DRAM2: variants seen among roughly 807,000 people sequenced by gnomAD.
The protein encoded by DRAM2 is DNA damage regulated autophagy modulator 2, also known as DNA damage-regulated autophagy modulator protein 2.
Under a neutral mutation model 33.5 loss-of-function variants are expected in DRAM2, and 26 were observed. That is an observed-to-expected ratio of 0.78 (90% CI 0.57 to 1.08). The LOEUF is 1.08. Ranked by LOEUF, DRAM2 falls within the 50% of genes least tolerant of loss-of-function variation. The probability of loss-of-function intolerance (pLI) is 0.00; values close to 1 mark genes in which losing one functional copy is unlikely to be tolerated. For synonymous variants in DRAM2, 98 were observed against 109.5 expected (o/e 0.89, Z 0.66); for missense variants, 311 against 318.1 (o/e 0.98, Z 0.17).
chr1:111,118,382 G>C, intron 9 of DRAM2, 115 bp from the exon 10 acceptor site: 1 of 679,148 alleles, frequency 1.5e-6, no homozygotes, highest in Non-Finnish European at 2.5e-6. Flanking sequence ...TCTAATGGTA[G>C]TGAGACAGCT....
intron 4 of DRAM2, among the ~76,000 whole-genome samples, chr1:111,129,371 T>C (rs1009629246): frequency 6.6e-6 from 1 of 152,194 alleles, no homozygotes; most frequent in Non-Finnish European, 1.5e-5. Flanking sequence ...GACCTAACTA[T>C]ATTCCAGGTG....
intron 6 of DRAM2, among the ~76,000 whole-genome samples, chr1:111,122,233 C>G (rs1237190004): frequency 1.3e-5 from 2 of 152,100 alleles, no homozygotes; most frequent in African/African-American, 4.8e-5. Context: ...GATGTATATA[C>G]GTTTCCAAAA....
chr1:111,120,537 A>T lies in DRAM2; in HGVS notation c.496T>A (p.Cys166Ser). 2 of 1,608,726 alleles carry T rather than the reference A, an allele frequency of 1.2e-6. No homozygotes were observed. The highest frequency in any genetic ancestry group is 8.5e-7 in the Non-Finnish European group (1 of 1,177,516). The part of the protein sequence containing the change: ...FWIRLLLVIW[C>S]GVSALSMLTC... ...ATACTGCTAAGTGCACTTACTCCAC[A>T]CCAGATAACCAACAACAGTCTGATC... The change falls in exon 7 of 10, where the codon TGT (cysteine) becomes AGT (serine). Residue 166 changes from cysteine to serine, a missense_variant. By Grantham distance (112) the Cys-to-Ser change is moderately radical. Coordinates refer to ENST00000484310, the MANE Select transcript of DRAM2 (RefSeq NM_001349884.2).
rs150398619 is a variant in DRAM2, at chr1:111,119,896, T to C, written c.581A>G (p.His194Arg). 7.5e-5 allele frequency: 121 copies of C among 1,612,856 alleles called. No individual in the cohort carries two copies. The highest frequency in any genetic ancestry group is 9.2e-5 in the Non-Finnish European group (108 of 1,179,084). ...NFGTDLEQKLHWNPEDKGYVL... is the reference protein window; with the variant it reads ...NFGTDLEQKLRWNPEDKGYVL... ...TCTTACTTTGTCCTCGGGGTTCCAA[T>C]GGAGTTTCTGTTCTAAATCAGTCCC... is the stretch of plus-strand genomic sequence containing the variant. The change falls in exon 8 of 10, where the codon CAT becomes CGT. Residue 194 changes from histidine (H) to arginine (R), a missense_variant. By Grantham distance (29) the His-to-Arg change is conservative. Transcript: ENST00000484310.
intron 3 of DRAM2, among the ~76,000 whole-genome samples, chr1:111,132,017 T>C (rs1652195548): frequency 6.6e-6 from 1 of 152,180 alleles, no homozygotes; most frequent in East Asian, 1.9e-4. Flanking sequence ...TCCAGGGTAA[T>C]AGGAGTGTCT....
intron 3 of DRAM2, among the ~76,000 whole-genome samples, chr1:111,136,347 C>T (rs952844297): frequency 1.7e-4 from 26 of 152,244 alleles, no homozygotes; most frequent in Non-Finnish European, 3.8e-4. Flanking sequence ...AGGCGGATCA[C>T]GAGGTCAGGA....
At chr1:111,119,818 G>A in intron 8 of DRAM2, 59 bp downstream of exon 8, 1 of 1,328,400 alleles carries the variant, frequency 7.5e-7, no homozygotes, top group Non-Finnish European at 1.1e-6. Context: ...AACATATCAA[G>A]ATCAATCAAA....
chr1:111,120,644 C>A lies in DRAM2; in HGVS notation c.389G>T (p.Gly130Val), dbSNP rs1649869527. The change falls in exon 7 of 10, where the codon GGT becomes GTT. Residue 130 changes from glycine (G) to valine (V), a missense_variant. Transcript: ENST00000484310. The stretch of plus-strand genomic sequence containing the variant: ...AACAAACATATATAATGAGCCCATA[C>A]CAAAGGTAAGCACAGCTCCACTTAC... Reference protein sequence around the residue: ...AHVSGAVLTFGMGSLYMFVQT... With the variant: ...AHVSGAVLTFVMGSLYMFVQT... The A allele has an allele frequency of 6.2e-7, 1 of 1,607,976 alleles. No homozygotes were observed. Among genetic ancestry groups the A allele is most frequent in the South Asian group, 1.1e-5 (1 of 90,286 alleles).
intron 4 of DRAM2, 131 bp downstream of exon 4, chr1:111,131,293 A>G: frequency 2.0e-6 from 2 of 1,005,938 alleles, no homozygotes; most frequent in Admixed American, 2.8e-5. Flanking sequence ...GTTCCTTTTT[A>G]TATTCCCTTT....
intron 6 of DRAM2, among the ~76,000 whole-genome samples, chr1:111,121,244 T>G (rs1008986634): frequency 6.6e-6 from 1 of 152,068 alleles, no homozygotes; most frequent in Non-Finnish European, 1.5e-5. Flanking sequence ...ACTCAAGAAA[T>G]TAAAATATTC....
At chr1:111,139,394 G>T (rs890731672) in intron 2 of DRAM2, 107 bp downstream of exon 2, 1 of 152,224 alleles carries the variant, frequency 6.6e-6, no homozygotes, top group Admixed American at 6.5e-5. Context: ...ATTGAGTGCA[G>T]AAGACTGAGC....
Position 111,120,861 on chromosome 1 carries a change from C to T in DRAM2, c.340-168G>A, listed in dbSNP as rs373851524. 2.1e-4 allele frequency among the ~76,000 whole-genome samples: 32 copies of T among 152,204 alleles called. No homozygotes were observed. The South Asian group carries it at 6.6e-3, about 32-fold the overall frequency. ...TCTGAAGTAATTTTCTCTCATAATA[C>T]TCAGTTTAAACCTAAGGATTATAGT... On this transcript the variant is annotated intron_variant, in intron 6 of 9. Transcript: ENST00000484310.
rs1248992041 is a variant in DRAM2, at chr1:111,118,884, T to TGAA, written c.611_613dup (p.Leu204dup). ...CCATTCTGCTGCAGTAGTGATCATGTGAAGCACATAACCCTGAGTGATGGG... is the reference window on the plus strand; with the variant it reads ...CCATTCTGCTGCAGTAGTGATCATGTGAAGAAGCACATAACCCTGAGTGATGGG... On this transcript the variant is annotated inframe_insertion, in exon 9 of 10. Transcript: ENST00000484310. 6.2e-7 allele frequency: 1 copy of TGAA among 1,608,708 alleles called. No individual in the cohort carries two copies. Among genetic ancestry groups the TGAA allele is most frequent in the Non-Finnish European group, 8.5e-7 (1 of 1,176,880 alleles).
rs769951112 is a variant in DRAM2, at chr1:111,120,645, C to A, written c.388G>T (p.Gly130Cys). 2 of 1,606,654 alleles carry A rather than the reference C, an allele frequency of 1.2e-6. No individual in the cohort carries two copies. The highest frequency in any genetic ancestry group is 1.1e-5 in the South Asian group (1 of 90,162). ...AHVSGAVLTF[G>C]MGSLYMFVQT... ...ACAAACATATATAATGAGCCCATAC[C>A]AAAGGTAAGCACAGCTCCACTTACA... The change falls in exon 7 of 10, where the codon GGT becomes TGT. Residue 130 changes from glycine (G) to cysteine (C), a missense_variant. Transcript: ENST00000484310.
intron 6 of DRAM2, among the ~76,000 whole-genome samples, chr1:111,123,171 T>A (rs2101032908): frequency 6.6e-6 from 1 of 152,320 alleles, no homozygotes; most frequent in Middle Eastern, 3.4e-3. Context: ...ACTCTATTTG[T>A]GGCACAGACA....
intron 3 of DRAM2, among the ~76,000 whole-genome samples, chr1:111,133,138 G>A (rs149130679): frequency 1.3e-5 from 2 of 150,250 alleles, no homozygotes; most frequent in East Asian, 2.0e-4. Flanking sequence ...GCTCCTTAAC[G>A]TGGTCCATAA....
At position 111,120,562 on chromosome 1, in the gene DRAM2, C is replaced by G. The variant is rs1328714961; in HGVS notation, c.471G>C (p.Trp157Cys). The G allele has an allele frequency of 5.0e-6, 8 of 1,611,950 alleles. No individual in the cohort carries two copies. Among genetic ancestry groups the G allele is most frequent in the South Asian group, 1.1e-5 (1 of 90,926 alleles). ...QPKIHGKQVF[W>C]IRLLLVIWCG... ...ACCAGATAACCAACAACAGTCTGATCCAGAAGACTTGTTTGCCATGGATTT... is the reference window on the plus strand; with the variant it reads ...ACCAGATAACCAACAACAGTCTGATGCAGAAGACTTGTTTGCCATGGATTT... The change falls in exon 7 of 10, where the codon TGG becomes TGC. Residue 157 changes from tryptophan (W) to cysteine (C), a missense_variant. Coordinates refer to ENST00000484310, the MANE Select transcript of DRAM2 (RefSeq NM_001349884.2).
chr1:111,119,859 T>A lies in DRAM2; in HGVS notation c.600+18A>T, dbSNP rs754025147. ...CATCTTTAATATAAAACTAAGTTTATAGACTGTAAGTTCTTACTTTGTCCT... is the reference window on the plus strand; with the variant it reads ...CATCTTTAATATAAAACTAAGTTTAAAGACTGTAAGTTCTTACTTTGTCCT... On this transcript the variant is annotated intron_variant, in intron 8 of 9. Coordinates refer to ENST00000484310, the MANE Select transcript of DRAM2 (RefSeq NM_001349884.2). The A allele has an allele frequency of 1.2e-6, 2 of 1,600,110 alleles. No homozygotes were observed. Among genetic ancestry groups the A allele is most frequent in the Non-Finnish European group, 1.7e-6 (2 of 1,168,322 alleles).
Position 111,117,815 on chromosome 1 carries a change from A to G in DRAM2, c.*345T>C. ...GTGCTCCTAACAAAACATGATCTAC[A>G]ATAATTTATAAAATGTGAAGGGTTG... On this transcript the variant is annotated 3_prime_UTR_variant, in exon 10 of 10. Coordinates refer to ENST00000484310, the MANE Select transcript of DRAM2 (RefSeq NM_001349884.2). The G allele has an allele frequency of 4.6e-6, 1 of 217,100 alleles. No homozygotes were observed. The highest frequency in any genetic ancestry group is 7.0e-5 in the South Asian group (1 of 14,254). The allele number at this position is 217,100 out of a possible 1,614,324, so 13.4% of individuals were successfully genotyped here.
Sources: gnomAD v4.1 joint callset for allele counts (sites outside exome capture counted in the v4.1 genomes callset) on GRCh38, gnomAD v4.1.1 for gene constraint, MANE v1.5 for transcripts, NCBI Gene and HGNC (gene_info 2026-07-23, HGNC 2026-07-21) for gene names.